The following MYO18B variants were observed in gnomAD, a reference collection of about 807,000 sequenced individuals.
MYO18B encodes the protein unconventional myosin-XVIIIb.
MYO18B carries 204 observed loss-of-function variants against 273.0 expected under a neutral mutation model. The ratio of observed to expected loss-of-function variants is 0.75; its 90% CI spans 0.67 to 0.84. The LOEUF is 0.84. Ranked by LOEUF, MYO18B falls within the 40% of genes least tolerant of loss-of-function variation. The probability of loss-of-function intolerance (pLI) is 0.00; values close to 1 mark genes in which losing one functional copy is unlikely to be tolerated. For synonymous variants in MYO18B, 1,330 were observed against 1,305.7 expected (o/e 1.02, Z -0.40); for missense variants, 3,212 against 3,287.6 (o/e 0.98, Z 0.56).
intron 36 of MYO18B, among the ~76,000 whole-genome samples, chr22:25,948,527 TCTTC>T (rs562796748): frequency 7.2e-5 from 8 of 110,410 alleles, no homozygotes; most frequent in Admixed American, 2.8e-4. Flanking sequence ...CTTCTTTCTT[TCTTC>T]CTTCCTTCCT....
At chr22:26,049,368 C>G in the MYO18B span, among the ~76,000 whole-genome samples, 1 of 152,114 alleles carries the variant, frequency 6.6e-6, no homozygotes, top group South Asian at 2.1e-4. Context: ...CAAACACAAG[C>G]GTCTGATTTT....
At chr22:25,828,319 G>A (rs2089569436) in intron 14 of MYO18B, among the ~76,000 whole-genome samples, 1 of 152,188 alleles carries the variant, frequency 6.6e-6, no homozygotes, top group East Asian at 1.9e-4. Flanking sequence ...AAATTTTGAT[G>A]TGAATAATCC....
intron 30 of MYO18B, chr22:25,903,266 C>A (rs1442030846): frequency 1.3e-5 from 3 of 237,720 alleles, no homozygotes; most frequent in Non-Finnish European, 2.5e-5. Context: ...CACTTTGCCT[C>A]CCTGCTCCAA....
At chr22:25,808,395 A>C (rs544243311) in intron 12 of MYO18B, among the ~76,000 whole-genome samples, 14 of 152,242 alleles carry the variant, frequency 9.2e-5, no homozygotes, top group African/African-American at 3.4e-4. Context: ...TTGTGGTCCA[A>C]GATGCTGAGT....
chr22:25,964,577 G>C (rs1005757506), intron 39 of MYO18B, among the ~76,000 whole-genome samples: 1 of 152,158 alleles, frequency 6.6e-6, no homozygotes, highest in Non-Finnish European at 1.5e-5. Flanking sequence ...TGTGAAGACT[G>C]TCCTGTGTAT....
chr22:26,024,034 A>C (rs1423033058), intron 42 of MYO18B, among the ~76,000 whole-genome samples: 1 of 152,154 alleles, frequency 6.6e-6, no homozygotes, highest in Non-Finnish European at 1.5e-5. Flanking sequence ...GTTTTAGCAC[A>C]TAGGAACCAA....
chr22:25,976,842 G>C (rs951839420), intron 39 of MYO18B, among the ~76,000 whole-genome samples: 1 of 152,152 alleles, frequency 6.6e-6, no homozygotes. Flanking sequence ...GCTCATTTAA[G>C]ATGTTTCTTT....
chr22:25,982,079 A>T (rs1268040391), intron 39 of MYO18B, among the ~76,000 whole-genome samples: 1 of 152,192 alleles, frequency 6.6e-6, no homozygotes, highest in African/African-American at 2.4e-5. Context: ...GGGAGGTGCT[A>T]CCAGATCTTA....
In MYO18B at chr22:25,947,477, T is replaced by C. The variant is rs2877304; in HGVS notation, c.5632-235T>C. Among the ~76,000 whole-genome samples the C allele has an allele frequency of 0.97, 143,502 of 148,490 alleles. 69,388 individuals carry two copies. The highest frequency in any genetic ancestry group is 0.99 in the African/African-American group (39,589 of 39,958). ...TACACCCTGAATTCATAGTCACATG[T>C]AATGCCTAATACACACACACACACA... On this transcript the variant is annotated intron_variant, in intron 35 of 43. Coordinates refer to ENST00000335473, the MANE Select transcript of MYO18B (RefSeq NM_032608.7).
intron 34 of MYO18B, among the ~76,000 whole-genome samples, chr22:25,923,095 CCTATGGCATGTCTT>C (rs1487463270): frequency 1.3e-5 from 2 of 152,184 alleles, no homozygotes; most frequent in African/African-American, 4.8e-5. Flanking sequence ...GGACAGGTAT[CCTATGGCATGTCTT>C]CTAATCTGGG....
chr22:25,801,878 A>G (rs1209642112), intron 12 of MYO18B, among the ~76,000 whole-genome samples: 4 of 152,268 alleles, frequency 2.6e-5, no homozygotes, highest in East Asian at 3.9e-4. Context: ...TAGAGATGGG[A>G]TTTGGACTTA....
At chr22:25,817,297 T>C (rs2089065906) in intron 12 of MYO18B, among the ~76,000 whole-genome samples, 2 of 151,706 alleles carry the variant, frequency 1.3e-5, no homozygotes, top group African/African-American at 4.8e-5. Flanking sequence ...TCTGTCTCTT[T>C]CTCTCTCTTT....
rs757566183 is a variant in MYO18B, at chr22:25,797,991, G to T, written c.2415G>T (p.Gln805His). The change falls in exon 12 of 44, where the codon CAG becomes CAT. Residue 805 changes from glutamine (Q) to histidine (H), a missense_variant. Coordinates refer to ENST00000335473, the MANE Select transcript of MYO18B (RefSeq NM_032608.7). The part of the protein sequence containing the change: ...DKQKAAAAFA[Q>H]LQGAMEMLGI... ...AGAAGGCGGCAGCTGCCTTTGCCCA[G>T]CTCCAGGGTGCCATGGAGATGCTCG... 4 of 1,613,860 alleles carry T rather than the reference G, an allele frequency of 2.5e-6. No homozygotes were observed. In the East Asian group the frequency reaches 6.7e-5, roughly 27 times the overall value.
intron 34 of MYO18B, among the ~76,000 whole-genome samples, chr22:25,927,917 G>A (rs2092444219): frequency 6.6e-6 from 1 of 152,124 alleles, no homozygotes; most frequent in African/African-American, 2.4e-5. Flanking sequence ...CTAAAGAGGA[G>A]GCCCTTAATT....
At chr22:25,765,230 C>A (rs1334137705) in intron 3 of MYO18B, among the ~76,000 whole-genome samples, 1 of 152,186 alleles carries the variant, frequency 6.6e-6, no homozygotes, top group African/African-American at 2.4e-5. Context: ...ATTCCTGGGG[C>A]TGGAGCAAGG....
At chr22:25,866,173 C>T (rs2090880229) in intron 21 of MYO18B, among the ~76,000 whole-genome samples, 1 of 149,280 alleles carries the variant, frequency 6.7e-6, no homozygotes, top group African/African-American at 2.5e-5. Flanking sequence ...ATACCTTTTG[C>T]TTCCTGAGCA....
chr22:25,894,961 CA>C, intron 27 of MYO18B, 194 bp from the exon 28 acceptor site: 1 of 616,916 alleles, frequency 1.6e-6, no homozygotes, highest in Non-Finnish European at 2.8e-6. Context: ...GTGGTCAGGA[CA>C]GGCTGCCTGG....
intron 24 of MYO18B, 110 bp downstream of exon 24, chr22:25,876,442 A>C (rs2091200989): frequency 1.6e-6 from 2 of 1,252,188 alleles, no homozygotes; most frequent in Non-Finnish European, 2.1e-6. Flanking sequence ...TGATCTAGGA[A>C]TGCTCAGCCC....
At chr22:26,042,669 T>G in the MYO18B span, among the ~76,000 whole-genome samples, 2 of 152,188 alleles carry the variant, frequency 1.3e-5, no homozygotes, top group Non-Finnish European at 2.9e-5. Context: ...CCAGCTCCAG[T>G]TTTAGAAAGC....
Sources: gnomAD v4.1 joint callset for allele counts (sites outside exome capture counted in the v4.1 genomes callset) on GRCh38, gnomAD v4.1.1 for gene constraint, MANE v1.5 for transcripts, NCBI Gene and HGNC (gene_info 2026-07-23, HGNC 2026-07-21) for gene names.